The following PRXL2C variants were observed in gnomAD, a reference collection of about 807,000 sequenced individuals.
The protein encoded by PRXL2C is peroxiredoxin-like 2C.
A neutral mutation model predicts 24.9 loss-of-function variants in PRXL2C; 38 were observed. The observed-to-expected ratio is 1.53, with a 90% CI of 1.18 to 2.00. The LOEUF is 2.00. Ranked by LOEUF, PRXL2C falls within the 30% of genes most tolerant of loss-of-function variation. The pLI is 0.00. For synonymous variants in PRXL2C, 98 were observed against 117.2 expected, an observed-to-expected ratio of 0.84 and a Z score of 1.06; for missense variants, 294 against 290.9, an observed-to-expected ratio of 1.01 and a Z score of -0.08.
Position 96,654,759 on chromosome 9 carries a change from G to GT in PRXL2C, c.206dup (p.Tyr69Ter), listed in dbSNP as rs1355887609. The GT allele has an allele frequency of 1.9e-6, 3 of 1,564,964 alleles. No homozygotes were observed. The highest frequency in any genetic ancestry group is 2.6e-6 in the Non-Finnish European group (3 of 1,153,516). ...VVVFVRHFLC[Y>*]ICKEYVEDLA... Reference sequence around the variant, plus strand: ...GATCCTCTACGTATTCCTTGCAGATGTAACACAGGAAATGCTGAAAGCCAA... The same window carrying GT: ...GATCCTCTACGTATTCCTTGCAGATGTTAACACAGGAAATGCTGAAAGCCAA... Residue 69 changes from tyrosine to a stop codon, truncating the protein, a stop_gained and frameshift_variant, in exon 2 of 6, where the codon TAC (tyrosine) becomes TAAC (stop). Coordinates refer to ENST00000375234, the MANE Select transcript of PRXL2C (RefSeq NM_153698.2). LOFTEE classifies it high-confidence loss of function.
At chr9:96,655,030 C>A (rs1052726712) in intron 1 of PRXL2C, 60 bp downstream of exon 1, 2 of 1,425,788 alleles carry the variant, frequency 1.4e-6, no homozygotes, top group Admixed American at 3.0e-5. Flanking sequence ...CGGCTCGCAT[C>A]CCGGCAGCCT....
intron 2 of PRXL2C, among the ~76,000 whole-genome samples, chr9:96,653,088 T>C (rs1167513820): frequency 1.3e-5 from 2 of 151,448 alleles, no homozygotes; most frequent in East Asian, 1.9e-4. Context: ...TAGCCGGGCG[T>C]GGTGGCGGGC....
At chr9:96,645,161 G>A (rs909327687) in intron 5 of PRXL2C, among the ~76,000 whole-genome samples, 7 of 150,842 alleles carry the variant, frequency 4.6e-5, no homozygotes, top group Non-Finnish European at 7.4e-5. Flanking sequence ...CGCCCGCCTT[G>A]GCCTCCCAAA....
chr9:96,655,007 G>C lies in PRXL2C; in HGVS notation c.192+83C>G, dbSNP rs1418339319. The C allele has an allele frequency of 2.2e-6, 3 of 1,385,488 alleles. No individual in the cohort carries two copies. In the African/African-American group the frequency reaches 4.6e-5, roughly 21 times the overall value. 85.8% of individuals were successfully genotyped at this position (1,385,488 alleles called of 1,614,324 possible). On this transcript the variant is annotated intron_variant, in intron 1 of 5. Transcript: ENST00000375234. ...GGCTGCCTTCCCGTTTCCGTCCTAA[G>C]AAGCAGGAGGCGCGGCTCGCATCCC...
chr9:96,652,431 G>C (rs1345968348), intron 2 of PRXL2C, among the ~76,000 whole-genome samples: 1 of 150,444 alleles, frequency 6.6e-6, no homozygotes, highest in Non-Finnish European at 1.5e-5. Flanking sequence ...TGAGGCAGGA[G>C]AATCACTTGA....
At chr9:96,651,602 A>G in intron 3 of PRXL2C, 57 bp downstream of exon 3, 2 of 1,562,450 alleles carry the variant, frequency 1.3e-6, no homozygotes, top group Non-Finnish European at 8.8e-7. Context: ...AAATAATGTA[A>G]TTTTTATGTC....
At position 96,655,049 on chromosome 9, in the gene PRXL2C, C is replaced by T. The variant is rs57656890; in HGVS notation, c.192+41G>A. 0.018 allele frequency: 25,628 copies of T among 1,456,586 alleles called. 3,711 individuals are homozygous for T. The African/African-American group carries it at 0.33, about 19-fold the overall frequency. The allele number at this position is 1,456,586 out of a possible 1,614,324, so 90.2% of individuals were successfully genotyped here. On this transcript the variant is annotated intron_variant, in intron 1 of 5. Coordinates refer to ENST00000375234, the MANE Select transcript of PRXL2C (RefSeq NM_153698.2). ...TCGCATCCCGGCAGCCTGCCCGGGA[C>T]CCTGGGCCGCGCTTCCCTTCCAGCC... is the stretch of plus-strand genomic sequence containing the variant.
Position 96,645,775 on chromosome 9 carries a change from C to T in PRXL2C, c.553+118G>A, listed in dbSNP as rs570595335. Reference sequence around the variant, plus strand: ...TTGCGCCACTGCACTCCAGCCTTGGCGACAGAGCGAGACTCCCTCTCGAAA... The same window carrying T: ...TTGCGCCACTGCACTCCAGCCTTGGTGACAGAGCGAGACTCCCTCTCGAAA... On this transcript the variant is annotated intron_variant, in intron 5 of 5. Coordinates refer to ENST00000375234, the MANE Select transcript of PRXL2C (RefSeq NM_153698.2). 72 of 1,205,354 alleles carry T rather than the reference C, an allele frequency of 6.0e-5. No homozygotes were observed. In the East Asian group the frequency reaches 1.6e-3, roughly 27 times the overall value. 74.7% of individuals were successfully genotyped at this position (1,205,354 alleles called of 1,614,324 possible).
rs376702525 is a variant in PRXL2C at position 96,651,114 on chromosome 9, TAA to T, written c.421+274_421+275del. Among the ~76,000 whole-genome samples the T allele has an allele frequency of 8.3e-3, 1,259 of 152,122 alleles. 24 individuals are homozygous for T. Among genetic ancestry groups the T allele is most frequent in the African/African-American group, 0.029 (1,199 of 41,478 alleles). On this transcript the variant is annotated intron_variant, in intron 4 of 5. Coordinates refer to ENST00000375234, the MANE Select transcript of PRXL2C (RefSeq NM_153698.2). ...AAACATGGGGAAACCCTGTCTCTAC[TAA>T]AAATATAAAAAATTAGCTGGGCGTA... is the stretch of plus-strand genomic sequence containing the variant.
rs1471193738 is a variant in PRXL2C, at chr9:96,641,705, A to T, written c.*54T>A. 4 of 1,501,012 alleles carry T rather than the reference A, an allele frequency of 2.7e-6. No individual in the cohort carries two copies. The highest frequency in any genetic ancestry group is 3.6e-6 in the Non-Finnish European group (4 of 1,107,616). 93.0% of individuals were successfully genotyped at this position (1,501,012 alleles called of 1,614,324 possible). ...CTGCACGAGGATATTACACCCAGGC[A>T]TTGAAGGTCACATTCCAGAAGGTCC... is the stretch of plus-strand genomic sequence containing the variant. On this transcript the variant is annotated 3_prime_UTR_variant, in exon 6 of 6. Coordinates refer to ENST00000375234, the MANE Select transcript of PRXL2C (RefSeq NM_153698.2).
intron 2 of PRXL2C, among the ~76,000 whole-genome samples, chr9:96,654,384 G>A (rs1038794369): frequency 6.6e-6 from 1 of 152,156 alleles, no homozygotes; most frequent in African/African-American, 2.4e-5. Context: ...GCAGCTATTT[G>A]GAGTGTAACA....
At chr9:96,644,576 C>T (rs1437775695) in intron 5 of PRXL2C, among the ~76,000 whole-genome samples, 1 of 152,124 alleles carries the variant, frequency 6.6e-6, no homozygotes, top group Non-Finnish European at 1.5e-5. Flanking sequence ...ACCTCCGCCT[C>T]CCAGGTTCAA....
intron 4 of PRXL2C, among the ~76,000 whole-genome samples, chr9:96,646,451 G>C (rs1320010960): frequency 5.3e-5 from 8 of 152,158 alleles, no homozygotes; most frequent in African/African-American, 1.4e-4. Flanking sequence ...ACTCTGTTTA[G>C]TCTCACTTAT....
At chr9:96,655,057 C>A in intron 1 of PRXL2C, 33 bp downstream of exon 1, 1 of 1,458,424 alleles carries the variant, frequency 6.9e-7, no homozygotes. Flanking sequence ...GACCCTGGGC[C>A]GCGCTTCCCT....
At chr9:96,644,872 A>G (rs1588100412) in intron 5 of PRXL2C, among the ~76,000 whole-genome samples, 1 of 131,124 alleles carries the variant, frequency 7.6e-6, no homozygotes, top group Admixed American at 8.3e-5. Context: ...ATAAATAACT[A>G]CATGGATTCT....
intron 5 of PRXL2C, 143 bp downstream of exon 5, chr9:96,645,750 T>A (rs548143409): frequency 7.7e-6 from 7 of 907,632 alleles, no homozygotes; most frequent in Non-Finnish European, 1.1e-5. Context: ...TGAGCCGAGA[T>A]TGCGCCACTG....
rs768555694 is a variant in PRXL2C, at chr9:96,651,481, C to T, written c.330G>A (p.Leu110=). ...CATAGATTTCATGAGAATATCCAGT[C>T]AGCTTGCAAAAAGGCTGAAAAGAGA... ...SYHHIEPFCK[L]TGYSHEIYVD... is the part of the protein sequence containing the mutation. Residue 110 remains leucine, a synonymous_variant, in exon 4 of 6, where the codon CTG becomes CTA. Transcript: ENST00000375234. The T allele has an allele frequency of 1.9e-5, 31 of 1,609,942 alleles. 2 individuals are homozygous for T. The Middle Eastern group carries it at 4.5e-3, about 231-fold the overall frequency.
At chr9:96,655,068 T>C (rs1365813799) in intron 1 of PRXL2C, 22 bp downstream of exon 1, 4 of 1,458,374 alleles carry the variant, frequency 2.7e-6, no homozygotes, top group Non-Finnish European at 3.6e-6. Flanking sequence ...GCGCTTCCCT[T>C]CCAGCCCCGC....
At chr9:96,649,191 A>G (rs550034580) in intron 4 of PRXL2C, among the ~76,000 whole-genome samples, 19 of 152,284 alleles carry the variant, frequency 1.2e-4, no homozygotes, top group Middle Eastern at 3.4e-3. Flanking sequence ...CCTATACTAA[A>G]GAGAGAGAAA....
Sources: gnomAD v4.1 joint callset for allele counts (sites outside exome capture counted in the v4.1 genomes callset) on GRCh38, gnomAD v4.1.1 for gene constraint, MANE v1.5 for transcripts, NCBI Gene and HGNC (gene_info 2026-07-23, HGNC 2026-07-21) for gene names.